RPSA: variants seen among roughly 807,000 people sequenced by gnomAD.
RPSA encodes ribosomal protein SA.
For synonymous variants in RPSA, 103 were observed against 126.7 expected (o/e 0.81, Z 1.25); for missense variants, 140 against 372.8 (o/e 0.38, Z 5.14).
chr3:39,407,012 C>A (rs573524875), intron 1 of RPSA: 1 of 453,732 alleles, frequency 2.2e-6, no homozygotes, highest in African/African-American at 2.0e-5. Context: ...CGGACCAGGC[C>A]GCGGGTGGGC....
At chr3:39,410,554 A>T in intron 3 of RPSA, 200 bp from the exon 4 acceptor site, 1 of 617,998 alleles carries the variant, frequency 1.6e-6, no homozygotes, top group Non-Finnish European at 2.9e-6. Flanking sequence ...CTCGGGATAT[A>T]TAGTAGAAAA....
rs1490890120 is a variant in RPSA at position 39,410,964 on chromosome 3, C to T, written c.463C>T (p.Arg155Cys). The T allele has an allele frequency of 1.3e-5, 20 of 1,599,274 alleles. No individual in the cohort carries two copies. Among genetic ancestry groups the T allele is most frequent in the Admixed American group, 1.7e-5 (1 of 60,026 alleles). Residue 155 changes from arginine to cysteine, a missense_variant, in exon 4 of 7, where the codon CGC becomes TGC. Coordinates refer to ENST00000301821, the MANE Select transcript of RPSA (RefSeq NM_002295.6). The stretch of plus-strand genomic sequence containing the variant: ...GCTGTGTAACACAGATTCTCCTCTG[C>T]GCTATGTGGACATTGCCATCCCATG... ...IALCNTDSPL[R>C]YVDIAIPCNN...
In RPSA at chr3:39,410,523, GC is replaced by G. The variant is rs563523726; in HGVS notation, c.253-229del. 3.3e-3 allele frequency: 1,805 copies of G among 548,972 alleles called. 4 individuals carry two copies. Among genetic ancestry groups the G allele is most frequent in the Non-Finnish European group, 4.6e-3 (1,403 of 305,480 alleles). The allele number at this position is 548,972 out of a possible 1,614,324, so 34.0% of individuals were successfully genotyped here. A position where few individuals can be genotyped will look rare whatever the true frequency, so the allele number is the denominator to read the frequency against. The stretch of plus-strand genomic sequence containing the variant: ...AAAATATACTGAGCATCTAGATTGG[GC>G]CAGGTAGTGTTGCTAGGTGCTCGGG... On this transcript the variant is annotated intron_variant, in intron 3 of 6. Transcript: ENST00000301821.
intron 3 of RPSA, 117 bp downstream of exon 3, chr3:39,408,841 G>A: frequency 1.4e-6 from 1 of 728,542 alleles, no homozygotes; most frequent in Non-Finnish European, 2.5e-6. Flanking sequence ...GGCTACGCCT[G>A]TAATCCCAGC....
At chr3:39,410,253 G>A (rs1397127718) in intron 3 of RPSA, 2 of 158,930 alleles carry the variant, frequency 1.3e-5, no homozygotes, top group East Asian at 3.6e-4. Context: ...AAAACTAGTA[G>A]ATTTCTTGAA....
rs190008375 is a variant in RPSA, at chr3:39,408,740, G to A, written c.252+16G>A. On this transcript the variant is annotated intron_variant, in intron 3 of 6. Transcript: ENST00000301821. Reference sequence around the variant, plus strand: ...TACTGGCCAGGTTTGTGGAACAGTGGTTAGTTTTTATATTATAGAAATAAA... The same window carrying A: ...TACTGGCCAGGTTTGTGGAACAGTGATTAGTTTTTATATTATAGAAATAAA... The A allele has an allele frequency of 2.4e-5, 31 of 1,269,908 alleles. No homozygotes were observed. In the East Asian group the frequency reaches 6.7e-4, roughly 27 times the overall value. The allele number at this position is 1,269,908 out of a possible 1,614,324, so 78.7% of individuals were successfully genotyped here. A position where few individuals can be genotyped will look rare whatever the true frequency, so the allele number is the denominator to read the frequency against.
intron 1 of RPSA, among the ~76,000 whole-genome samples, chr3:39,407,235 A>C (rs1469706895): frequency 6.6e-6 from 1 of 152,210 alleles, no homozygotes; most frequent in East Asian, 1.9e-4. Flanking sequence ...TCCGCCTACA[A>C]TCTGCTTGAA....
intron 2 of RPSA, chr3:39,408,279 T>G (rs3772140): frequency 0.29 from 143,071 of 489,400 alleles, 21,976 homozygotes; most frequent in Non-Finnish European, 0.32. Context: ...CAGTGCAGAT[T>G]ATAAAAGGGA....
At chr3:39,407,876 T>C (rs924867612) in intron 2 of RPSA, 90 bp downstream of exon 2, 2 of 989,808 alleles carry the variant, frequency 2.0e-6, no homozygotes, top group African/African-American at 1.6e-5. Context: ...GTAATTTCTT[T>C]CTATCTTCCT....
chr3:39,412,529 G>A lies in RPSA; in HGVS notation c.*161G>A, dbSNP rs746601718. Reference sequence around the variant, plus strand: ...ATAATAAATACATGTCTCGACATGAGTTGTACTTCTAAAGCCCACTGTAGA... The same window carrying A: ...ATAATAAATACATGTCTCGACATGAATTGTACTTCTAAAGCCCACTGTAGA... On this transcript the variant is annotated 3_prime_UTR_variant, in exon 7 of 7. Transcript: ENST00000301821. The A allele has an allele frequency of 2.3e-5, 14 of 599,786 alleles. No individual in the cohort carries two copies. The highest frequency in any genetic ancestry group is 3.7e-5 in the African/African-American group (2 of 53,882). 37.2% of individuals were successfully genotyped at this position (599,786 alleles called of 1,614,324 possible). A position where few individuals can be genotyped will look rare whatever the true frequency, so the allele number is the denominator to read the frequency against.
chr3:39,407,903 C>T (rs143723767), intron 2 of RPSA, 117 bp downstream of exon 2: 21 of 725,030 alleles, frequency 2.9e-5, no homozygotes, highest in African/African-American at 2.9e-4. Context: ...AAGCCAGACC[C>T]CTACGTTGAA....
Position 39,407,664 on chromosome 3 carries a change from C to G in RPSA, c.11C>G (p.Ala4Gly). The change falls in exon 2 of 7, where the codon GCC becomes GGC. Residue 4 changes from alanine to glycine, a missense_variant. By Grantham distance (60) the Ala-to-Gly change is moderately conservative. Coordinates refer to ENST00000301821, the MANE Select transcript of RPSA (RefSeq NM_002295.6). Reference protein sequence around the residue: MSGALDVLQMKEED... With the variant: MSGGLDVLQMKEED... ...AGGGAAATTTTCACAATGTCCGGAG[C>G]CCTTGATGTCCTGCAAATGAAGGAG... 1 of 1,595,878 alleles carries G rather than the reference C, an allele frequency of 6.3e-7. No individual in the cohort carries two copies. Among genetic ancestry groups the G allele is most frequent in the Non-Finnish European group, 8.5e-7 (1 of 1,177,616 alleles).
Position 39,406,748 on chromosome 3 carries a change from A to T in RPSA, c.-50A>T, listed in dbSNP as rs573464014. On this transcript the variant is annotated 5_prime_UTR_variant, in exon 1 of 7. Coordinates refer to ENST00000301821, the MANE Select transcript of RPSA (RefSeq NM_002295.6). ...TTCCGTGCTACCTGCAGAGGGGTCCATACGGCGTTGTTCTGGGTGAGTTCC... is the reference window on the plus strand; with the variant it reads ...TTCCGTGCTACCTGCAGAGGGGTCCTTACGGCGTTGTTCTGGGTGAGTTCC... 15 of 412,936 alleles carry T rather than the reference A, an allele frequency of 3.6e-5. No individual in the cohort carries two copies. Among genetic ancestry groups the T allele is most frequent in the Non-Finnish European group, 5.8e-5 (12 of 207,690 alleles). 25.6% of individuals were successfully genotyped at this position (412,936 alleles called of 1,614,324 possible). A position where few individuals can be genotyped will look rare whatever the true frequency, so the allele number is the denominator to read the frequency against.
intron 1 of RPSA, 130 bp from the exon 2 acceptor site, chr3:39,407,489 TTC>T: frequency 1.3e-6 from 1 of 746,330 alleles, no homozygotes; most frequent in Non-Finnish European, 2.4e-6. Flanking sequence ...TGGGTTAACT[TTC>T]TGTTTACCCT....
chr3:39,408,198 A>G, intron 2 of RPSA: 2 of 373,472 alleles, frequency 5.4e-6, no homozygotes, highest in Non-Finnish European at 1.0e-5. Flanking sequence ...GCACTTACTT[A>G]TTTTAGAGAT....
intron 2 of RPSA, 46 bp downstream of exon 2, chr3:39,407,832 A>G: frequency 1.3e-6 from 2 of 1,541,656 alleles, no homozygotes; most frequent in Non-Finnish European, 1.8e-6. Context: ...GTAAGTACAA[A>G]TTTTGAGCTT....
Position 39,408,838 on chromosome 3 carries a change from C to A in RPSA, c.252+114C>A, listed in dbSNP as rs1218321646. On this transcript the variant is annotated intron_variant, in intron 3 of 6. Transcript: ENST00000301821. Reference sequence around the variant, plus strand: ...ACTCAGGCCGGGCGCGGTGGCTACGCCTGTAATCCCAGCACTTTGGGAGGT... The same window carrying A: ...ACTCAGGCCGGGCGCGGTGGCTACGACTGTAATCCCAGCACTTTGGGAGGT... 5.4e-6 allele frequency: 4 copies of A among 736,726 alleles called. No individual in the cohort carries two copies. In the African/African-American group the frequency reaches 7.0e-5, roughly 13 times the overall value. The allele number at this position is 736,726 out of a possible 1,614,324, so 45.6% of individuals were successfully genotyped here.
intron 4 of RPSA, chr3:39,411,218 G>T (rs774888437): frequency 1.3e-6 from 1 of 745,516 alleles, no homozygotes; most frequent in East Asian, 2.6e-5. Flanking sequence ...TAACATTACT[G>T]CATGACAGCT....
At position 39,412,389 on chromosome 3, in the gene RPSA, T is replaced by G. The variant is rs767994374; in HGVS notation, c.*21T>G. On this transcript the variant is annotated 3_prime_UTR_variant, in exon 7 of 7. Transcript: ENST00000301821. ...CTTAAGCTGTTCTTGCATAGGCTCT[T>G]AAGCAGCATGGAAAAATGGTTGATG... 8.9e-7 allele frequency: 1 copy of G among 1,118,380 alleles called. No individual in the cohort carries two copies. The highest frequency in any genetic ancestry group is 2.3e-5 in the East Asian group (1 of 42,582). The allele number at this position is 1,118,380 out of a possible 1,614,324, so 69.3% of individuals were successfully genotyped here.
Sources: gnomAD v4.1 joint callset for allele counts (sites outside exome capture counted in the v4.1 genomes callset) on GRCh38, gnomAD v4.1.1 for gene constraint, MANE v1.5 for transcripts, NCBI Gene and HGNC (gene_info 2026-07-23, HGNC 2026-07-21) for gene names.